Variants in AGAP3 observed in about 807,000 individuals in gnomAD.
The protein encoded by AGAP3 is arf-GAP with GTPase, ANK repeat and PH domain-containing protein 3.
A neutral mutation model predicts 96.9 loss-of-function variants in AGAP3; 24 were observed. The ratio of observed to expected loss-of-function variants is 0.25; its 90% CI spans 0.18 to 0.35. The LOEUF is 0.35. AGAP3 is among the 10% of genes least tolerant of loss of function. The pLI, the probability that AGAP3 is intolerant of heterozygous loss-of-function variation, is 1.00. For synonymous variants in AGAP3, 563 were observed against 536.1 expected, an observed-to-expected ratio of 1.05 and a Z score of -0.69; for missense variants, 876 against 1,254.2, an observed-to-expected ratio of 0.70 and a Z score of 4.55.
At position 151,114,657 on chromosome 7, in the gene AGAP3, G is replaced by T; in HGVS notation, c.332-2136G>T. 1 of 949,312 alleles carries T rather than the reference G, an allele frequency of 1.1e-6. No homozygotes were observed. Among genetic ancestry groups the T allele is most frequent in the Non-Finnish European group, 1.3e-6 (1 of 795,514 alleles). 58.8% of individuals were successfully genotyped at this position (949,312 alleles called of 1,614,324 possible). A position where few individuals can be genotyped will look rare whatever the true frequency, so the allele number is the denominator to read the frequency against. ...GTGGAGGAGTTGAGGGACTCGGTCG[G>T]CCCACACCAGGTGCCCAGAGGCCGG... On this transcript the variant is annotated intron_variant, in intron 1 of 17. Transcript: ENST00000397238. The surrounding 1 kb of genome is among the most constrained non-coding windows in gnomAD (Gnocchi z 4.4).
At chr7:151,117,556 G>A in intron 4 of AGAP3, 80 bp from the exon 5 acceptor site, 2 of 1,611,606 alleles carry the variant, frequency 1.2e-6, no homozygotes. Context: ...CAGGGAGAAG[G>A]GTCTACTTGA....
intron 4 of AGAP3, 75 bp from the exon 5 acceptor site, chr7:151,117,561 A>C: frequency 6.2e-7 from 1 of 1,611,674 alleles, no homozygotes. Context: ...AGAAGGGTCT[A>C]CTTGAGTTCA....
chr7:151,122,536 GTCCTCCTCCTTCTCC>G (rs1563490027), intron 8 of AGAP3, among the ~76,000 whole-genome samples: 1 of 150,078 alleles, frequency 6.7e-6, no homozygotes, highest in African/African-American at 2.5e-5. Context: ...CCTCCTCCTG[GTCCTCCTCCTTCTCC>G]TCCTCCTCCT....
rs1340368304 is a variant in AGAP3, at chr7:151,142,784, C to A, written c.2273+150C>A. On this transcript the variant is annotated intron_variant, in intron 16 of 17. Coordinates refer to ENST00000397238, the MANE Select transcript of AGAP3 (RefSeq NM_031946.7). The surrounding 1 kb of genome is among the most constrained non-coding windows in gnomAD (Gnocchi z 7.5). Reference sequence around the variant, plus strand: ...CAGTTGGCCCCTTGGGGGTGCCCCTCCTGCTCTGGTGCCTGTCACTCAGGC... The same window carrying A: ...CAGTTGGCCCCTTGGGGGTGCCCCTACTGCTCTGGTGCCTGTCACTCAGGC... The A allele has an allele frequency of 1.2e-6, 1 of 821,532 alleles. No homozygotes were observed. Among genetic ancestry groups the A allele is most frequent in the Non-Finnish European group, 1.9e-6 (1 of 533,156 alleles). The allele number at this position is 821,532 out of a possible 1,614,324, so 50.9% of individuals were successfully genotyped here. A position where few individuals can be genotyped will look rare whatever the true frequency, so the allele number is the denominator to read the frequency against.
At chr7:151,138,030 G>C in intron 11 of AGAP3, 113 bp from the exon 12 acceptor site, 1 of 859,756 alleles carries the variant, frequency 1.2e-6, no homozygotes, top group Non-Finnish European at 1.8e-6. Context: ...GATGAACCCA[G>C]TGCCCTGCTG....
chr7:151,126,887 G>A (rs1007441710), intron 9 of AGAP3, among the ~76,000 whole-genome samples: 3 of 152,246 alleles, frequency 2.0e-5, no homozygotes, highest in African/African-American at 7.2e-5. Flanking sequence ...CAGGTAGCAG[G>A]ATGTGTCTGC....
chr7:151,117,466 C>T lies in AGAP3; in HGVS notation c.564+10C>T, dbSNP rs1799648798. On this transcript the variant is annotated intron_variant, in intron 4 of 17. Coordinates refer to ENST00000397238, the MANE Select transcript of AGAP3 (RefSeq NM_031946.7). ...CCCCCCTGAGCTCCAGGTGATGCTC[C>T]TGCCCAGGGTTAGGGCCCACCGCTG... is the stretch of plus-strand genomic sequence containing the variant. 2.2e-5 allele frequency: 36 copies of T among 1,614,152 alleles called. No individual in the cohort carries two copies. The highest frequency in any genetic ancestry group is 3.0e-5 in the Non-Finnish European group (35 of 1,179,998).
rs755904283 is a variant in AGAP3, at chr7:151,117,708, A to G, written c.637A>G (p.Asn213Asp). ...TGAAATCAGTTTCCAGACGGTGTACAACTACTTCCTGCGTCTCTGCAGCTT... is the reference window on the plus strand; with the variant it reads ...TGAAATCAGTTTCCAGACGGTGTACGACTACTTCCTGCGTCTCTGCAGCTT... ...EDEISFQTVYNYFLRLCSFRN... is the reference protein window; with the variant it reads ...EDEISFQTVYDYFLRLCSFRN... Residue 213 changes from asparagine to aspartate, a missense_variant, in exon 5 of 18, where the codon AAC becomes GAC. Physicochemically the swap from Asn to Asp is conservative, Grantham distance 23 (BLOSUM62 1). Around this residue, in one of 8 missense-constraint regions of AGAP3, gnomAD observed 131 missense variants for 304.5 expected, o/e 0.43. Transcript: ENST00000397238. The G allele has an allele frequency of 1.2e-6, 2 of 1,614,094 alleles. No homozygotes were observed. The highest frequency in any genetic ancestry group is 1.7e-6 in the Non-Finnish European group (2 of 1,180,018).
At chr7:151,132,080 C>CACTG (rs976440475) in intron 10 of AGAP3, among the ~76,000 whole-genome samples, 12 of 152,188 alleles carry the variant, frequency 7.9e-5, no homozygotes, top group Non-Finnish European at 1.6e-4. Context: ...ATTGAGTGGA[C>CACTG]ACTGGGCTGA....
In AGAP3 at chr7:151,133,538, G is replaced by C. The variant is rs1032874166; in HGVS notation, c.1327-862G>C. ...CTGACTTGAAAGCAGGGTGAGTCCC[G>C]GGCCCAGGACAGGCTGGAGGAAGCC... On this transcript the variant is annotated intron_variant, in intron 10 of 17. Transcript: ENST00000397238. The surrounding 1 kb of genome is among the most constrained non-coding windows in gnomAD (Gnocchi z 5.4). 7.7e-4 allele frequency among the ~76,000 whole-genome samples: 116 copies of C among 150,792 alleles called. No homozygotes were observed. Among genetic ancestry groups the C allele is most frequent in the African/African-American group, 2.8e-3 (114 of 41,198 alleles).
chr7:151,130,584 C>T (rs764658956), intron 10 of AGAP3, among the ~76,000 whole-genome samples: 3 of 152,198 alleles, frequency 2.0e-5, no homozygotes, highest in South Asian at 4.1e-4. Context: ...GGTGTCTGAG[C>T]CCCCAGGAGT....
At chr7:151,086,344 G>A (rs1798140399), upstream of AGAP3, among the ~76,000 whole-genome samples, 2 of 144,360 alleles carry the variant, frequency 1.4e-5, no homozygotes, top group South Asian at 2.2e-4. Flanking sequence ...GGGGGCGCCC[G>A]GGCCGGCGCG....
chr7:151,132,239 C>T (rs1800430686), intron 10 of AGAP3, among the ~76,000 whole-genome samples: 1 of 152,238 alleles, frequency 6.6e-6, no homozygotes, highest in Non-Finnish European at 1.5e-5. Flanking sequence ...TGGGCAGAGT[C>T]CTTCTCCGCC....
At position 151,090,876 on chromosome 7, in the gene AGAP3, A is replaced by G. The variant is rs191857751; in HGVS notation, c.331+3804A>G. Among the ~76,000 whole-genome samples the G allele has an allele frequency of 7.2e-5, 11 of 152,228 alleles. No homozygotes were observed. The East Asian group carries it at 1.7e-3, about 24-fold the overall frequency. ...GGAGAATGGTGTGAATCTGGGAGGC[A>G]GAGCTTGCAGTGAGCTGAGATCGCA... On this transcript the variant is annotated intron_variant, in intron 1 of 17. Coordinates refer to ENST00000397238, the MANE Select transcript of AGAP3 (RefSeq NM_031946.7).
At chr7:151,100,504 T>A (rs950766175) in intron 1 of AGAP3, among the ~76,000 whole-genome samples, 1 of 152,332 alleles carries the variant, frequency 6.6e-6, no homozygotes, top group African/African-American at 2.4e-5. Flanking sequence ...GGTGTAAACC[T>A]GGCTATCGAG....
chr7:151,087,174 G>A, intron 1 of AGAP3, 102 bp downstream of exon 1: 1 of 1,298,818 alleles, frequency 7.7e-7, no homozygotes, highest in Non-Finnish European at 1.1e-6. Context: ...CCTGTCGGGG[G>A]TCCTTGCGCG....
chr7:151,107,174 G>A (rs1355791429), intron 1 of AGAP3, among the ~76,000 whole-genome samples: 1 of 152,098 alleles, frequency 6.6e-6, no homozygotes, highest in South Asian at 2.1e-4. Context: ...GCCGGATGTG[G>A]TGGCACGCAC....
chr7:151,125,789 T>G (rs1800132978), intron 9 of AGAP3, among the ~76,000 whole-genome samples: 1 of 152,208 alleles, frequency 6.6e-6, no homozygotes. Flanking sequence ...TCAGTTGCCA[T>G]TTGCATTCCC....
intron 8 of AGAP3, chr7:151,123,366 C>T (rs777073457): frequency 2.1e-4 from 218 of 1,048,912 alleles, no homozygotes; most frequent in Non-Finnish European, 2.4e-4. Context: ...CCGACGCGCT[C>T]GGTGCCACGT....
Sources: gnomAD v4.1 joint callset for allele counts (sites outside exome capture counted in the v4.1 genomes callset) on GRCh38, gnomAD v4.1.1 for gene constraint, gnomAD v4.1.1 regional missense constraint, Gnocchi (gnomAD v3.1) non-coding constraint, MANE v1.5 for transcripts, NCBI Gene and HGNC (gene_info 2026-07-23, HGNC 2026-07-21) for gene names.